EIF2B3: variants seen among roughly 807,000 people sequenced by gnomAD.
EIF2B3 encodes eukaryotic translation initiation factor 2B subunit gamma.
Under a neutral mutation model 54.1 loss-of-function variants are expected in EIF2B3, and 20 were observed. That is an observed-to-expected ratio of 0.37 (90% CI 0.26 to 0.54). The LOEUF is 0.54. Ranked by LOEUF, EIF2B3 falls within the 20% of genes least tolerant of loss-of-function variation. The probability of loss-of-function intolerance (pLI) is 0.86; values close to 1 mark genes in which losing one functional copy is unlikely to be tolerated. For missense variants in EIF2B3, 448 were observed against 547.8 expected, an observed-to-expected ratio of 0.82 and a Z score of 1.82; for synonymous variants, 153 against 188.1, an observed-to-expected ratio of 0.81 and a Z score of 1.52.
In EIF2B3 at chr1:44,874,764, G is replaced by A. The variant is rs767371278; in HGVS notation, c.1116C>T (p.Arg372=). ...TGAGACAGGATGAGCCAATGACTGA[G>A]CGCTTAATGGATGACTTCTCTCCAA... ...TQIGEKSSIK[R]SVIGSSCLIK... is the part of the protein sequence containing the mutation. Residue 372 remains arginine (R), a synonymous_variant, in exon 10 of 12, where the codon CGC becomes CGT. Transcript: ENST00000360403. The A allele has an allele frequency of 1.5e-5, 24 of 1,614,024 alleles. No individual in the cohort carries two copies. Among genetic ancestry groups the A allele is most frequent in the Non-Finnish European group, 1.9e-5 (23 of 1,180,042 alleles).
At chr1:44,861,036 C>G (rs1360331467) in intron 10 of EIF2B3, among the ~76,000 whole-genome samples, 1 of 152,202 alleles carries the variant, frequency 6.6e-6, no homozygotes, top group African/African-American at 2.4e-5. Context: ...AGGTTAAAGC[C>G]TTTTGGAAAG....
chr1:44,931,365 G>A (rs1382204293), intron 4 of EIF2B3, among the ~76,000 whole-genome samples: 1 of 152,222 alleles, frequency 6.6e-6, no homozygotes, highest in Non-Finnish European at 1.5e-5. Flanking sequence ...CATCTTGACT[G>A]CAGCCTTCTG....
At position 44,981,046 on chromosome 1, in the gene EIF2B3, G is replaced by C; in HGVS notation, c.123C>G (p.Asn41Lys). The change falls in exon 2 of 12, where the codon AAC (asparagine) becomes AAG (lysine). Residue 41 changes from asparagine to lysine, a missense_variant. Physicochemically the swap from Asn to Lys is moderately conservative, Grantham distance 94. Around this residue, in one of 3 missense-constraint regions of EIF2B3, gnomAD observed 95 missense variants for 115.7 expected, o/e 0.82. Transcript: ENST00000360403. Reference sequence around the variant, plus strand: ...CTTCAAATCCAACACGCTCAAGCAGGTTCAATGGGTACCAAATTAAAGGTT... The same window carrying C: ...CTTCAAATCCAACACGCTCAAGCAGCTTCAATGGGTACCAAATTAAAGGTT... ...GNKPLIWYPL[N>K]LLERVGFEEV... 1.2e-6 allele frequency: 2 copies of C among 1,613,426 alleles called. No individual in the cohort carries two copies. The highest frequency in any genetic ancestry group is 1.7e-6 in the Non-Finnish European group (2 of 1,179,966).
In EIF2B3 at chr1:44,857,699, T is replaced by C; in HGVS notation, c.1306+5A>G. 1 of 1,613,730 alleles carries C rather than the reference T, an allele frequency of 6.2e-7. No individual in the cohort carries two copies. On this transcript the variant is annotated splice_donor_5th_base_variant and intron_variant, in intron 11 of 11. Transcript: ENST00000360403. ...AATGGAATCTGTGATTGTAATCTGG[T>C]TTACCTTTGGCTTCAATCCTCTGGC...
At chr1:44,874,863 C>G (rs757337355) in intron 9 of EIF2B3, 37 bp from the exon 10 acceptor site, 2 of 1,613,524 alleles carry the variant, frequency 1.2e-6, no homozygotes, top group Non-Finnish European at 8.5e-7. Context: ...GTCCACCCAT[C>G]TCAACCAACT....
intron 4 of EIF2B3, among the ~76,000 whole-genome samples, chr1:44,928,504 T>G (rs923131231): frequency 1.6e-4 from 24 of 151,906 alleles, no homozygotes; most frequent in African/African-American, 5.5e-4. Context: ...CGCTTCGTTT[T>G]TTTTTTTTTT....
intron 3 of EIF2B3, among the ~76,000 whole-genome samples, chr1:44,968,670 G>A (rs1479349101): frequency 4.6e-5 from 7 of 152,046 alleles, no homozygotes; most frequent in African/African-American, 9.7e-5. Context: ...AGGCCGAGGC[G>A]GGCGGATCAT....
intron 10 of EIF2B3, among the ~76,000 whole-genome samples, chr1:44,873,848 C>T (rs1383282540): frequency 6.6e-6 from 1 of 151,176 alleles, no homozygotes; most frequent in Non-Finnish European, 1.5e-5. Context: ...TGGGGTTACA[C>T]CATGTTGGCC....
chr1:44,938,927 C>T (rs1007707981), intron 4 of EIF2B3, among the ~76,000 whole-genome samples: 61 of 151,830 alleles, frequency 4.0e-4, no homozygotes, highest in African/African-American at 1.4e-3. Context: ...TTGTGAAACC[C>T]TGTGCCTACA....
Position 44,953,264 on chromosome 1 carries a change from GA to G in EIF2B3, c.295-11600del, listed in dbSNP as rs140124660. Among the ~76,000 whole-genome samples, 775 of 144,092 alleles carry G rather than the reference GA, an allele frequency of 5.4e-3. 4 individuals carry two copies. The highest frequency in any genetic ancestry group is 8.4e-3 in the East Asian group (41 of 4,882). 94.5% of individuals were successfully genotyped at this position (144,092 alleles called of 152,430 possible). A position where few individuals can be genotyped will look rare whatever the true frequency, so the allele number is the denominator to read the frequency against. ...TATGAAATTTTTCATTGAAAAAAAA[GA>G]AAAAAAAAAGAACCAGCCTCACTCT... is the stretch of plus-strand genomic sequence containing the variant. On this transcript the variant is annotated intron_variant, in intron 3 of 11. Transcript: ENST00000360403.
chr1:44,883,660 G>A (rs559322034), intron 6 of EIF2B3, among the ~76,000 whole-genome samples: 1 of 152,250 alleles, frequency 6.6e-6, no homozygotes, highest in South Asian at 2.1e-4. Flanking sequence ...TCAGAATTCT[G>A]GGGGAGGCTG....
chr1:44,875,780 C>G, intron 8 of EIF2B3, 85 bp from the exon 9 acceptor site: 1 of 1,057,466 alleles, frequency 9.5e-7, no homozygotes, highest in Non-Finnish European at 1.5e-6. Flanking sequence ...TCTCCCACTC[C>G]CCCTCCCCAC....
intron 4 of EIF2B3, among the ~76,000 whole-genome samples, chr1:44,934,481 T>A: frequency 6.6e-6 from 1 of 151,888 alleles, no homozygotes; most frequent in East Asian, 1.9e-4. Context: ...GTTTTTTAAA[T>A]TTTTTTAATT....
chr1:44,939,101 CAAAAAAAAA>C (rs35410499), intron 4 of EIF2B3, among the ~76,000 whole-genome samples: 3 of 56,302 alleles, frequency 5.3e-5, no homozygotes, highest in Admixed American at 2.1e-4. Context: ...GACCCTGTCT[CAAAAAAAAA>C]AAAAAAAAAA....
chr1:44,970,696 G>T (rs976657065), intron 3 of EIF2B3, among the ~76,000 whole-genome samples: 1 of 152,094 alleles, frequency 6.6e-6, no homozygotes, highest in Non-Finnish European at 1.5e-5. Flanking sequence ...CTGTTTATAC[G>T]CACTTCCACT....
chr1:44,897,296 G>T, intron 6 of EIF2B3, 59 bp downstream of exon 6: 3 of 1,256,756 alleles, frequency 2.4e-6, no homozygotes, highest in Non-Finnish European at 2.3e-6. Flanking sequence ...AAAATTTAAG[G>T]AATTCACAAA....
intron 3 of EIF2B3, among the ~76,000 whole-genome samples, chr1:44,953,357 AAGTT>A (rs1022463595): frequency 6.6e-5 from 10 of 152,014 alleles, no homozygotes; most frequent in African/African-American, 2.4e-4. Flanking sequence ...TTCTCAAAAA[AAGTT>A]AGCTGTCTCA....
chr1:44,880,851 C>G (rs1655370321), intron 7 of EIF2B3, among the ~76,000 whole-genome samples: 1 of 152,016 alleles, frequency 6.6e-6, no homozygotes, highest in South Asian at 2.1e-4. Flanking sequence ...GTCCTAGCTG[C>G]TGGGGAGGCT....
chr1:44,863,794 C>T (rs573931402), intron 10 of EIF2B3, among the ~76,000 whole-genome samples: 10 of 152,182 alleles, frequency 6.6e-5, no homozygotes, highest in East Asian at 3.9e-4. Flanking sequence ...TACATGTTAC[C>T]GTTCTGTGTA....
Sources: gnomAD v4.1 joint callset for allele counts (sites outside exome capture counted in the v4.1 genomes callset) on GRCh38, gnomAD v4.1.1 for gene constraint, gnomAD v4.1.1 regional missense constraint, MANE v1.5 for transcripts, NCBI Gene and HGNC (gene_info 2026-07-23, HGNC 2026-07-21) for gene names.